The following PPIL4 variants were observed in gnomAD, a reference collection of about 807,000 sequenced individuals.
The protein encoded by PPIL4 is peptidylprolyl isomerase like 4, also known as peptidyl-prolyl cis-trans isomerase-like 4.
Under a neutral mutation model 69.1 loss-of-function variants are expected in PPIL4, and 50 were observed. That is an observed-to-expected ratio of 0.72 (90% CI 0.58 to 0.92). The LOEUF is 0.92. Ranked by LOEUF, PPIL4 falls within the 40% of genes least tolerant of loss-of-function variation. The pLI is 0.00. For synonymous variants in PPIL4, 193 were observed against 191.6 expected (o/e 1.01, Z -0.06); for missense variants, 480 against 587.9 (o/e 0.82, Z 1.90).
intron 12 of PPIL4, among the ~76,000 whole-genome samples, chr6:149,509,470 C>A (rs994322719): frequency 5.8e-4 from 88 of 152,204 alleles, no homozygotes; most frequent in African/African-American, 2.0e-3. Context: ...CTAAAAGCAG[C>A]ACATGGAGGG....
intron 4 of PPIL4, among the ~76,000 whole-genome samples, chr6:149,539,531 C>T (rs1777328038): frequency 1.3e-5 from 2 of 152,206 alleles, no homozygotes; most frequent in African/African-American, 4.8e-5. Context: ...CCCTGTACCA[C>T]CATGCTCAGC....
intron 4 of PPIL4, among the ~76,000 whole-genome samples, chr6:149,539,524 T>C (rs947812284): frequency 1.3e-5 from 2 of 152,196 alleles, no homozygotes; most frequent in Non-Finnish European, 1.5e-5. Flanking sequence ...ACTACAGCCC[T>C]GTACCACCAT....
intron 1 of PPIL4, among the ~76,000 whole-genome samples, 183 bp from the exon 2 acceptor site, chr6:149,541,769 G>A (rs987088454): frequency 3.3e-5 from 5 of 152,196 alleles, no homozygotes; most frequent in Non-Finnish European, 7.3e-5. Flanking sequence ...CAGCGCTTTG[G>A]GAGGCGGAGG....
chr6:149,522,753 C>T (rs767246158), intron 9 of PPIL4, among the ~76,000 whole-genome samples: 22 of 152,272 alleles, frequency 1.4e-4, no homozygotes, highest in Admixed American at 5.2e-4. Flanking sequence ...GTTGGGACTA[C>T]AGGCACGCAC....
At chr6:149,544,248 C>T (rs1777407708) in intron 1 of PPIL4, among the ~76,000 whole-genome samples, 1 of 152,156 alleles carries the variant, frequency 6.6e-6, no homozygotes, top group Non-Finnish European at 1.5e-5. Context: ...CTATGATATT[C>T]TTTGAAACAC....
intron 1 of PPIL4, among the ~76,000 whole-genome samples, chr6:149,542,258 T>C (rs188273327): frequency 1.3e-5 from 2 of 152,236 alleles, no homozygotes; most frequent in Admixed American, 1.3e-4. Context: ...ATTATATCAA[T>C]TAGGAAAAAG....
At chr6:149,520,363 C>CT (rs2115031496) in intron 10 of PPIL4, among the ~76,000 whole-genome samples, 1 of 151,862 alleles carries the variant, frequency 6.6e-6, no homozygotes, top group Non-Finnish European at 1.5e-5. Flanking sequence ...TTCCATGGAC[C>CT]TTTTCTATTT....
intron 4 of PPIL4, among the ~76,000 whole-genome samples, chr6:149,540,342 C>T (rs1269404112): frequency 2.6e-5 from 4 of 152,156 alleles, no homozygotes; most frequent in Admixed American, 6.5e-5. Flanking sequence ...AACGGCCAGG[C>T]GCGGTGGCTC....
intron 7 of PPIL4, among the ~76,000 whole-genome samples, chr6:149,532,838 C>A (rs1020640916): frequency 6.6e-6 from 1 of 152,082 alleles, no homozygotes; most frequent in Non-Finnish European, 1.5e-5. Flanking sequence ...AATAAATAAA[C>A]TTTAAAACAG....
intron 12 of PPIL4, among the ~76,000 whole-genome samples, chr6:149,511,610 ACAGG>A (rs1486444642): frequency 6.6e-6 from 1 of 152,192 alleles, no homozygotes; most frequent in Non-Finnish European, 1.5e-5. Context: ...GAACCAAAGC[ACAGG>A]CTGGAAATAA....
At chr6:149,545,270 G>T (rs1036298631) in intron 1 of PPIL4, among the ~76,000 whole-genome samples, 1 of 152,178 alleles carries the variant, frequency 6.6e-6, no homozygotes, top group African/African-American at 2.4e-5. Context: ...CGCTAGCTTT[G>T]CTTCTTCCCA....
intron 12 of PPIL4, among the ~76,000 whole-genome samples, chr6:149,511,244 T>A (rs867729786): frequency 2.0e-3 from 305 of 148,860 alleles, no homozygotes; most frequent in South Asian, 3.4e-3. Context: ...AAAAAAAAAA[T>A]TTTTTTTGGA....
At chr6:149,530,382 C>T (rs890837138) in intron 7 of PPIL4, among the ~76,000 whole-genome samples, 28 of 152,048 alleles carry the variant, frequency 1.8e-4, no homozygotes, top group African/African-American at 6.3e-4. Flanking sequence ...AGGGCTCAGG[C>T]GGGCACAGTG....
At chr6:149,524,917 C>A (rs1390741118) in intron 9 of PPIL4, among the ~76,000 whole-genome samples, 2 of 151,594 alleles carry the variant, frequency 1.3e-5, no homozygotes, top group South Asian at 2.1e-4. Flanking sequence ...AAAAAAAGTT[C>A]TAAAGATACT....
At chr6:149,516,339 A>G (rs1357290474) in intron 11 of PPIL4, among the ~76,000 whole-genome samples, 1 of 152,196 alleles carries the variant, frequency 6.6e-6, no homozygotes, top group Non-Finnish European at 1.5e-5. Flanking sequence ...CTTTCTTCAG[A>G]CTTTATCCAG....
Position 149,541,079 on chromosome 6 carries a change from TATA to T in PPIL4, c.204-23_204-21del. 7.1e-7 allele frequency: 1 copy of T among 1,407,686 alleles called. No homozygotes were observed. The highest frequency in any genetic ancestry group is 1.0e-6 in the Non-Finnish European group (1 of 995,694). 87.2% of individuals were successfully genotyped at this position (1,407,686 alleles called of 1,614,324 possible). A position where few individuals can be genotyped will look rare whatever the true frequency, so the allele number is the denominator to read the frequency against. On this transcript the variant is annotated intron_variant, in intron 3 of 12. Coordinates refer to ENST00000253329, the MANE Select transcript of PPIL4 (RefSeq NM_139126.4). ...AGTTGGCTGAAAAAACATATAAGGT[TATA>T]AATGTAAGTACTCTCAAAATGAAAT...
chr6:149,522,625 T>C (rs1777045458), intron 9 of PPIL4, among the ~76,000 whole-genome samples: 1 of 152,132 alleles, frequency 6.6e-6, no homozygotes, highest in South Asian at 2.1e-4. Flanking sequence ...TTATGTATTA[T>C]TTTTTTGAGA....
intron 10 of PPIL4, among the ~76,000 whole-genome samples, chr6:149,519,792 A>T (rs1006006533): frequency 2.0e-5 from 3 of 152,228 alleles, no homozygotes; most frequent in Admixed American, 6.5e-5. Context: ...CAAAAAAAAC[A>T]GTTCATTAAA....
At chr6:149,532,779 G>A (rs939250680) in intron 7 of PPIL4, among the ~76,000 whole-genome samples, 1 of 152,120 alleles carries the variant, frequency 6.6e-6, no homozygotes, top group Non-Finnish European at 1.5e-5. Flanking sequence ...ATACACCACT[G>A]TACTCCAGCC....
Sources: allele counts gnomAD v4.1 joint callset (sites outside exome capture counted in the v4.1 genomes callset), GRCh38; gene constraint gnomAD v4.1.1; transcripts MANE v1.5; gene names NCBI Gene and HGNC (gene_info 2026-07-23, HGNC 2026-07-21).